The following TNRC6A variants were observed in gnomAD, a reference collection of about 807,000 sequenced individuals.
The protein encoded by TNRC6A is trinucleotide repeat containing adaptor 6A.
In TNRC6A, 44 loss-of-function variants were observed where a neutral mutation model predicts 221.2. The observed-to-expected ratio is 0.20, with a 90% CI of 0.16 to 0.26. TNRC6A has a LOEUF of 0.26. Ranked by LOEUF, TNRC6A falls within the 10% of genes least tolerant of loss-of-function variation. The pLI is 1.00. For synonymous variants in TNRC6A, 847 were observed against 838.5 expected (o/e 1.01, Z -0.18); for missense variants, 2,199 against 2,404.4 (o/e 0.91, Z 1.79).
chr16:24,791,864 AT>A, intron 6 of TNRC6A, 47 bp downstream of exon 6: 2 of 1,452,720 alleles, frequency 1.4e-6, no homozygotes, highest in South Asian at 1.5e-5. Context: ...ACTTACTGTT[AT>A]TATAAGATTT....
intron 5 of TNRC6A, among the ~76,000 whole-genome samples, chr16:24,782,620 G>T (rs896079848): frequency 6.6e-6 from 1 of 152,206 alleles, no homozygotes; most frequent in Non-Finnish European, 1.5e-5. Context: ...GCTCATGCCT[G>T]TAATCCCAGT....
Position 24,790,567 on chromosome 16 carries a change from A to G in TNRC6A, c.1925A>G (p.Lys642Arg). ...GNGKTFTNGW[K>R]STEEEDQGSA... Reference sequence around the variant, plus strand: ...GGTAAGACGTTTACAAATGGATGGAAATCTACTGAGGAAGAGGATCAGGGT... The same window carrying G: ...GGTAAGACGTTTACAAATGGATGGAGATCTACTGAGGAAGAGGATCAGGGT... The change falls in exon 6 of 25, where the codon AAA becomes AGA. Residue 642 changes from lysine to arginine, a missense_variant. By Grantham distance (26) the Lys-to-Arg change is conservative. Transcript: ENST00000395799. The G allele has an allele frequency of 6.2e-7, 1 of 1,614,204 alleles. No homozygotes were observed. The highest frequency in any genetic ancestry group is 8.5e-7 in the Non-Finnish European group (1 of 1,180,048).
chr16:24,625,160 C>T (rs765383062), intron 1 of TNRC6A, among the ~76,000 whole-genome samples: 1 of 152,190 alleles, frequency 6.6e-6, no homozygotes, highest in Non-Finnish European at 1.5e-5. Flanking sequence ...TTGAACCCCT[C>T]ATTTTAGGCC....
At chr16:24,814,416 T>TCTTTTC (rs71156442) in intron 18 of TNRC6A, among the ~76,000 whole-genome samples, 17 of 133,698 alleles carry the variant, frequency 1.3e-4, no homozygotes, top group African/African-American at 4.7e-4. Flanking sequence ...TTTCTTTTTT[T>TCTTTTC]TTTTTTTTTT....
At chr16:24,671,143 C>T (rs1305591903) in intron 2 of TNRC6A, 1 of 221,718 alleles carries the variant, frequency 4.5e-6, no homozygotes, top group Non-Finnish European at 9.9e-6. Context: ...CCGCCTGCTC[C>T]CTGGGTGGAC....
At chr16:24,731,036 TG>T (rs1384736509) in intron 2 of TNRC6A, among the ~76,000 whole-genome samples, 1 of 151,772 alleles carries the variant, frequency 6.6e-6, no homozygotes, top group Non-Finnish European at 1.5e-5. Flanking sequence ...TTCATTGAGC[TG>T]TAATTGCTTA....
intron 2 of TNRC6A, among the ~76,000 whole-genome samples, chr16:24,694,872 G>A (rs1356348019): frequency 6.6e-6 from 1 of 152,056 alleles, no homozygotes; most frequent in Non-Finnish European, 1.5e-5. Context: ...GGTCAAGGCT[G>A]CAGTGAGCTA....
chr16:24,687,843 G>GAAGAAGAAGAAGAAGAAGAAGAA (rs1555489487), intron 2 of TNRC6A, among the ~76,000 whole-genome samples: 18 of 101,914 alleles, frequency 1.8e-4, no homozygotes, highest in Admixed American at 2.3e-4. Context: ...AAGAGGAAGA[G>GAAGAAGAAGAAGAAGAAGAAGAA]GAAGAAGAAG....
chr16:24,666,421 C>A (rs1407844063), intron 2 of TNRC6A, among the ~76,000 whole-genome samples: 15 of 144,890 alleles, frequency 1.0e-4, no homozygotes, highest in Middle Eastern at 3.7e-3. Context: ...TGCAGTGAGT[C>A]GAGATCGCGC....
intron 2 of TNRC6A, among the ~76,000 whole-genome samples, chr16:24,656,141 CAAAAAAA>C (rs551183501): frequency 8.9e-6 from 1 of 112,654 alleles, no homozygotes; most frequent in Non-Finnish European, 1.8e-5. Flanking sequence ...GACCTTGTCT[CAAAAAAA>C]AAAAAAAAGA....
At chr16:24,616,783 A>G (rs984719906) in intron 1 of TNRC6A, among the ~76,000 whole-genome samples, 31 of 152,118 alleles carry the variant, frequency 2.0e-4, no homozygotes, top group Non-Finnish European at 3.4e-4. Flanking sequence ...AAATGCAAAA[A>G]ATTAGCTGGA....
In TNRC6A at chr16:24,684,118, A is replaced by G. The variant is rs568529372; in HGVS notation, n.402+43109A>G. On this transcript the variant is annotated intron_variant and non_coding_transcript_variant, in intron 2 of 2. Coordinates refer to the TNRC6A transcript ENST00000566108. ...ACTGTATGTCAATAAAACTTTATTTATATGGCTGGGCACAATGGCTTATGC... is the reference window on the plus strand; with the variant it reads ...ACTGTATGTCAATAAAACTTTATTTGTATGGCTGGGCACAATGGCTTATGC... Among the ~76,000 whole-genome samples, 23 of 152,368 alleles carry G rather than the reference A, an allele frequency of 1.5e-4. 2 individuals carry two copies. The East Asian group carries it at 4.4e-3, about 29-fold the overall frequency.
chr16:24,625,110 A>G (rs1900888157), intron 1 of TNRC6A, among the ~76,000 whole-genome samples: 1 of 152,216 alleles, frequency 6.6e-6, no homozygotes, highest in Admixed American at 6.5e-5. Flanking sequence ...TATGATTTCA[A>G]GTAGTGTGTC....
At chr16:24,664,812 CAA>C (rs1555486918) in intron 2 of TNRC6A, 1 of 439,326 alleles carries the variant, frequency 2.3e-6, no homozygotes, top group Admixed American at 2.5e-5. Flanking sequence ...CACACACACA[CAA>C]AACCTATAAG....
intron 2 of TNRC6A, among the ~76,000 whole-genome samples, chr16:24,672,462 G>C (rs1567343799): frequency 6.6e-6 from 1 of 151,118 alleles, no homozygotes; most frequent in Non-Finnish European, 1.5e-5. Context: ...TTTTTTTTGA[G>C]ACAGGGTCTC....
In TNRC6A at chr16:24,683,830, G is replaced by A. The variant is rs190585306; in HGVS notation, n.402+42821G>A. On this transcript the variant is annotated intron_variant and non_coding_transcript_variant, in intron 2 of 2. Coordinates refer to the TNRC6A transcript ENST00000566108. Reference sequence around the variant, plus strand: ...CCTAGTGAGCCCTAGCAGGTATAAAGGTATTATAGGCATCGACACTAACTC... The same window carrying A: ...CCTAGTGAGCCCTAGCAGGTATAAAAGTATTATAGGCATCGACACTAACTC... Among the ~76,000 whole-genome samples, 3 of 152,246 alleles carry A rather than the reference G, an allele frequency of 2.0e-5. No homozygotes were observed. The East Asian group carries it at 5.8e-4, about 29-fold the overall frequency.
intron 1 of TNRC6A, among the ~76,000 whole-genome samples, chr16:24,615,690 A>T (rs1211792180): frequency 6.6e-6 from 1 of 152,196 alleles, no homozygotes; most frequent in Non-Finnish European, 1.5e-5. Context: ...AAGTGAGCAG[A>T]GGGTTGCTGG....
chr16:24,758,754 T>C (rs1248414845), intron 4 of TNRC6A, among the ~76,000 whole-genome samples: 4 of 152,170 alleles, frequency 2.6e-5, no homozygotes, highest in Non-Finnish European at 4.4e-5. Context: ...TCTTGTTCTC[T>C]GAAGAATGTC....
intron 23 of TNRC6A, 34 bp downstream of exon 23, chr16:24,822,181 A>C (rs780957583): frequency 1.2e-6 from 2 of 1,605,454 alleles, no homozygotes; most frequent in Non-Finnish European, 1.7e-6. Flanking sequence ...TTATGTGGCT[A>C]CGCCAGGGAG....
Sources: gnomAD v4.1 joint callset for allele counts (sites outside exome capture counted in the v4.1 genomes callset) on GRCh38, gnomAD v4.1.1 for gene constraint, MANE v1.5 for transcripts, NCBI Gene and HGNC (gene_info 2026-07-23, HGNC 2026-07-21) for gene names.